The following MITF variants were observed in gnomAD, a reference collection of about 807,000 sequenced individuals.
The protein encoded by MITF is melanocyte inducing transcription factor, also known as microphthalmia-associated transcription factor.
Under a neutral mutation model 60.5 loss-of-function variants are expected in MITF, and 17 were observed. The ratio of observed to expected loss-of-function variants is 0.28; its 90% confidence interval spans 0.19 to 0.42. The LOEUF (loss-of-function observed/expected upper bound fraction) is 0.42. MITF is among the 10% of genes least tolerant of loss of function. The pLI, the probability that MITF is intolerant of heterozygous loss-of-function variation, is 1.00. For missense variants in MITF, 622 were observed against 683.5 expected, an observed-to-expected ratio of 0.91 and a Z score of 1.00; for synonymous variants, 260 against 248.5, an observed-to-expected ratio of 1.05 and a Z score of -0.43.
At chr3:69,741,257 TGCATTCG>T (rs1703518971) in intron 1 of MITF, among the ~76,000 whole-genome samples, 1 of 152,204 alleles carries the variant, frequency 6.6e-6, no homozygotes, top group African/African-American at 2.4e-5. Context: ...GGGCTTTATC[TGCATTCG>T]GCTGAAGGGA....
intron 1 of MITF, among the ~76,000 whole-genome samples, chr3:69,754,036 G>A (rs73111959): frequency 0.044 from 6,712 of 152,238 alleles, 295 homozygotes; most frequent in Admixed American, 0.12. Context: ...GTTTGAATCT[G>A]TGTCCCCACC....
chr3:69,919,991 A>G (rs1188831527), intron 2 of MITF, among the ~76,000 whole-genome samples: 3 of 152,210 alleles, frequency 2.0e-5, no homozygotes, highest in Non-Finnish European at 2.9e-5. Flanking sequence ...CTTAGATATG[A>G]TTATATATGA....
intron 9 of MITF, among the ~76,000 whole-genome samples, chr3:69,962,508 C>T (rs978847533): frequency 6.6e-6 from 1 of 152,158 alleles, no homozygotes; most frequent in Non-Finnish European, 1.5e-5. Context: ...CGTGGCTTTG[C>T]AGGCACATAT....
At position 69,965,011 on chromosome 3, in the gene MITF, C is replaced by T. The variant is rs200423604; in HGVS notation, c.1344C>T (p.Leu448=). The T allele has an allele frequency of 6.8e-6, 11 of 1,614,112 alleles. No homozygotes were observed. Among genetic ancestry groups the T allele is most frequent in the East Asian group, 2.2e-5 (1 of 44,868 alleles). Residue 448 remains leucine, a synonymous_variant, in exon 10 of 10, where the codon CTC becomes CTT. Transcript: ENST00000352241. ...HHADLTCTTT[L]DLTDGTITFN... ...CAGACCTAACCTGTACAACAACTCT[C>T]GATCTCACGGATGGCACCATCACCT...
chr3:69,879,330 A>AAG lies in MITF; in HGVS notation c.301_302insAG (p.Ser101LysfsTer40). On this transcript the variant is annotated frameshift_variant, in exon 2 of 10. Coordinates refer to ENST00000352241, the MANE Select transcript of MITF (RefSeq NM_001354604.2). LOFTEE classifies it high-confidence loss of function. ...GAGTCAGACACCAGCCATAAACGTC[A>AAG]GTGTGCCCACCACCCTTCCCTCTGC... The AAG allele has an allele frequency of 6.2e-7, 1 of 1,614,236 alleles. No individual in the cohort carries two copies.
In MITF at chr3:69,953,686, GAGAC is replaced by G. The variant is rs1480894516; in HGVS notation, c.955+1804_955+1807del. Among the ~76,000 whole-genome samples, 1,140 of 141,104 alleles carry G rather than the reference GAGAC, an allele frequency of 8.1e-3. 1 individual carries two copies. Among genetic ancestry groups the G allele is most frequent in the South Asian group, 0.019 (85 of 4,394 alleles). The allele number at this position is 141,104 out of a possible 152,430, so 92.6% of individuals were successfully genotyped here. On this transcript the variant is annotated intron_variant, in intron 7 of 9. Coordinates refer to ENST00000352241, the MANE Select transcript of MITF (RefSeq NM_001354604.2). Reference sequence around the variant, plus strand: ...ATAGAGAGAGAGAGAGAGAGAGAGAGAGACAGAGACAGAGACAGAGACAGAGAAA... The same window carrying G: ...ATAGAGAGAGAGAGAGAGAGAGAGAGAGAGACAGAGACAGAGACAGAGAAA...
At chr3:69,910,349 T>G (rs933244074) in intron 2 of MITF, among the ~76,000 whole-genome samples, 1 of 152,186 alleles carries the variant, frequency 6.6e-6, no homozygotes, top group East Asian at 1.9e-4. Flanking sequence ...ATGGAGAACC[T>G]CTGCTAGGGC....
chr3:69,919,384 T>C (rs2065411007), intron 2 of MITF, among the ~76,000 whole-genome samples: 1 of 152,204 alleles, frequency 6.6e-6, no homozygotes, highest in South Asian at 2.1e-4. Flanking sequence ...GTTTTGTTTT[T>C]CTAAGTGGTT....
At chr3:69,741,817 G>A (rs1026024315) in intron 1 of MITF, among the ~76,000 whole-genome samples, 1 of 152,176 alleles carries the variant, frequency 6.6e-6, no homozygotes, top group Admixed American at 6.5e-5. Context: ...AGGTATTGTC[G>A]TCGACATCTG....
chr3:69,771,213 C>T (rs2062388507), intron 1 of MITF, among the ~76,000 whole-genome samples: 1 of 149,734 alleles, frequency 6.7e-6, no homozygotes, highest in Non-Finnish European at 1.5e-5. Flanking sequence ...TAGGTGGTCA[C>T]TTAAACCAAC....
At chr3:69,757,299 TTTC>T (rs532026923) in intron 1 of MITF, among the ~76,000 whole-genome samples, 83 of 152,322 alleles carry the variant, frequency 5.4e-4, no homozygotes, top group African/African-American at 1.8e-3. Context: ...ATTTTCAGAC[TTTC>T]TCCAGTATTC....
In MITF at chr3:69,788,130, TTC is replaced by T. The variant is rs1553679331; in HGVS notation, c.104+48431_104+48432del. On this transcript the variant is annotated intron_variant, in intron 1 of 9. Transcript: ENST00000352241. ...TGTCTTCTTAACCACTATTTTCTTT[TTC>T]TTTTTTTTTTTAATTATTATACTTT... Among the ~76,000 whole-genome samples, 12 of 151,460 alleles carry T rather than the reference TTC, an allele frequency of 7.9e-5. 1 individual carries two copies. The highest frequency in any genetic ancestry group is 7.4e-5 in the Non-Finnish European group (5 of 67,814).
chr3:69,962,503 C>G (rs1367516593), intron 9 of MITF, among the ~76,000 whole-genome samples: 1 of 152,160 alleles, frequency 6.6e-6, no homozygotes, highest in Non-Finnish European at 1.5e-5. Flanking sequence ...TGAAACGTGG[C>G]TTTGCAGGCA....
chr3:69,850,538 G>A (rs1272769012), intron 1 of MITF, among the ~76,000 whole-genome samples: 1 of 152,164 alleles, frequency 6.6e-6, no homozygotes, highest in East Asian at 1.9e-4. Flanking sequence ...AAACAATGAG[G>A]TTCTCATGAT....
rs570846634 is a variant in MITF, at chr3:69,758,232, C to T, written c.104+18531C>T. On this transcript the variant is annotated intron_variant, in intron 1 of 9. Transcript: ENST00000352241. ...TCTCCCAGATTAGAGTGCGGGGATG[C>T]AATCATAGCTTCCTATAGCCTCAAA... 5.3e-5 allele frequency among the ~76,000 whole-genome samples: 8 copies of T among 151,896 alleles called. No individual in the cohort carries two copies. In the South Asian group the frequency reaches 1.7e-3, roughly 32 times the overall value.
At chr3:69,815,942 A>G (rs2063174737) in intron 1 of MITF, among the ~76,000 whole-genome samples, 1 of 152,150 alleles carries the variant, frequency 6.6e-6, no homozygotes, top group African/African-American at 2.4e-5. Flanking sequence ...TTGTAGGCTT[A>G]GTTTAGCCCT....
intron 1 of MITF, among the ~76,000 whole-genome samples, chr3:69,748,064 G>A (rs946090557): frequency 1.4e-5 from 2 of 145,644 alleles, no homozygotes; most frequent in Non-Finnish European, 3.1e-5. Flanking sequence ...GTCAGTGTTG[G>A]TGCAGAAACA....
chr3:69,815,674 T>C (rs1338060188), intron 1 of MITF, among the ~76,000 whole-genome samples: 2 of 152,148 alleles, frequency 1.3e-5, no homozygotes, highest in African/African-American at 4.8e-5. Context: ...TTGGAGAGAG[T>C]CAAAAGTTAT....
intron 1 of MITF, among the ~76,000 whole-genome samples, chr3:69,842,585 T>G (rs2063658764): frequency 6.6e-6 from 1 of 152,184 alleles, no homozygotes; most frequent in Non-Finnish European, 1.5e-5. Context: ...GGTAGATGTT[T>G]GAAGTGTGTG....
Sources: gnomAD v4.1 joint callset for allele counts (sites outside exome capture counted in the v4.1 genomes callset) on GRCh38, gnomAD v4.1.1 for gene constraint, MANE v1.5 for transcripts, NCBI Gene and HGNC (gene_info 2026-07-23, HGNC 2026-07-21) for gene names.